CSMD1: variants seen among roughly 807,000 people sequenced by gnomAD.
CSMD1 encodes CUB and Sushi multiple domains 1, also known as CUB and sushi domain-containing protein 1.
In CSMD1, 213 loss-of-function variants were observed where a neutral mutation model predicts 417.5. That is an observed-to-expected ratio of 0.51 (90% CI 0.46 to 0.57). CSMD1 has a LOEUF of 0.57. Ranked by LOEUF, CSMD1 falls within the 20% of genes least tolerant of loss-of-function variation. The probability of loss-of-function intolerance (pLI) is 0.00; values close to 1 mark genes in which losing one functional copy is unlikely to be tolerated. For synonymous variants in CSMD1, 2,862 were observed against 1,736.8 expected, an observed-to-expected ratio of 1.65 and a Z score of -16.11; for missense variants, 6,923 against 4,529.7, an observed-to-expected ratio of 1.53 and a Z score of -15.17.
chr8:3,932,293 G>C (rs1049443554), intron 5 of CSMD1, among the ~76,000 whole-genome samples: 2 of 150,604 alleles, frequency 1.3e-5, no homozygotes, highest in Non-Finnish European at 3.0e-5. Flanking sequence ...AAGAAGTTTT[G>C]TTGCTCAGTT....
chr8:3,010,518 G>C (rs773098028), intron 52 of CSMD1, among the ~76,000 whole-genome samples: 11 of 152,080 alleles, frequency 7.2e-5, no homozygotes, highest in Non-Finnish European at 1.5e-4. Flanking sequence ...TTTCAGGCAA[G>C]TCCGACTTCC....
chr8:4,681,674 C>G (rs573592433), intron 1 of CSMD1, among the ~76,000 whole-genome samples: 44 of 152,214 alleles, frequency 2.9e-4, no homozygotes, highest in East Asian at 1.5e-3. Flanking sequence ...ATACATCCCC[C>G]CTTTTCCTCA....
At chr8:3,425,715 C>T (rs550269436) in intron 12 of CSMD1, among the ~76,000 whole-genome samples, 94 of 152,056 alleles carry the variant, frequency 6.2e-4, no homozygotes, top group African/African-American at 2.1e-3. Flanking sequence ...TGAAGAAAAA[C>T]ATCAAAGAAA....
At chr8:4,736,034 A>G (rs1310113954) in intron 1 of CSMD1, among the ~76,000 whole-genome samples, 1 of 152,196 alleles carries the variant, frequency 6.6e-6, no homozygotes, top group African/African-American at 2.4e-5. Flanking sequence ...CACTCAGGCT[A>G]TTATGGACAT....
At position 3,607,527 on chromosome 8, in the gene CSMD1, T is replaced by C. The variant is rs188515631; in HGVS notation, c.1097+9183A>G. Among the ~76,000 whole-genome samples, 329 of 152,296 alleles carry C rather than the reference T, an allele frequency of 2.2e-3. 2 individuals carry two copies. Among genetic ancestry groups the C allele is most frequent in the African/African-American group, 7.7e-3 (318 of 41,556 alleles). On this transcript the variant is annotated intron_variant, in intron 8 of 69. Transcript: ENST00000635120. ...GGCAGCACAGTACATCTGTCTTACA[T>C]CAAGACTGCCGCAAACATGTGAGGA... is the stretch of plus-strand genomic sequence containing the variant.
rs755184207 is a variant in CSMD1 at position 3,412,079 on chromosome 8, CAT to C, written c.1562-2476_1562-2475del. ...ATACACACGTATATATACATATATA[CAT>C]ATATATACACACGTATATATACATA... is the stretch of plus-strand genomic sequence containing the variant. On this transcript the variant is annotated intron_variant, in intron 12 of 69. Transcript: ENST00000635120. Among the ~76,000 whole-genome samples the C allele has an allele frequency of 9.1e-3, 427 of 46,806 alleles. 84 individuals carry two copies. Among genetic ancestry groups the C allele is most frequent in the Non-Finnish European group, 0.012 (308 of 26,184 alleles). The allele number at this position is 46,806 out of a possible 152,430, so 30.7% of individuals were successfully genotyped here.
intron 3 of CSMD1, among the ~76,000 whole-genome samples, chr8:4,257,131 C>T (rs1228560147): frequency 6.6e-6 from 1 of 152,152 alleles, no homozygotes; most frequent in African/African-American, 2.4e-5. Flanking sequence ...ATACTCACCA[C>T]ATTTGTTACC....
At chr8:3,675,121 C>T (rs1024884573) in intron 7 of CSMD1, among the ~76,000 whole-genome samples, 82 of 152,314 alleles carry the variant, frequency 5.4e-4, no homozygotes, top group African/African-American at 1.8e-3. Flanking sequence ...GGCCTCCCCT[C>T]ACCACTTTCC....
chr8:3,282,316 G>A (rs368253169), intron 26 of CSMD1, among the ~76,000 whole-genome samples: 1 of 152,064 alleles, frequency 6.6e-6, no homozygotes, highest in African/African-American at 2.4e-5. Flanking sequence ...CAGAGAGCAC[G>A]TGGGAACTCT....
chr8:4,180,018 G>A (rs1465045456), intron 3 of CSMD1, among the ~76,000 whole-genome samples: 2 of 152,058 alleles, frequency 1.3e-5, no homozygotes, highest in African/African-American at 2.4e-5. Context: ...AAGTCAGTGT[G>A]GCGATTCCTC....
chr8:4,871,813 A>G (rs569857412), intron 1 of CSMD1, among the ~76,000 whole-genome samples: 1 of 152,108 alleles, frequency 6.6e-6, no homozygotes, highest in Non-Finnish European at 1.5e-5. Flanking sequence ...AAACCTTTCC[A>G]GTAACATCAG....
At chr8:3,616,663 T>C (rs773500059) in intron 8 of CSMD1, 47 bp downstream of exon 8, 3 of 1,205,994 alleles carry the variant, frequency 2.5e-6, no homozygotes, top group Non-Finnish European at 2.4e-6. Context: ...AAATAATATA[T>C]GTCTTAAAAA....
chr8:4,937,009 G>A (rs1185151567), intron 1 of CSMD1, among the ~76,000 whole-genome samples: 2 of 152,078 alleles, frequency 1.3e-5, no homozygotes, highest in Non-Finnish European at 2.9e-5. Context: ...TCAGGAATTG[G>A]AGACCAGCCT....
intron 3 of CSMD1, among the ~76,000 whole-genome samples, chr8:4,264,071 T>C (rs1309250868): frequency 6.6e-6 from 1 of 152,146 alleles, no homozygotes; most frequent in African/African-American, 2.4e-5. Flanking sequence ...GCCTCATCTA[T>C]AAAATGAGGA....
At chr8:3,612,592 A>G (rs1014590035) in intron 8 of CSMD1, among the ~76,000 whole-genome samples, 3 of 152,158 alleles carry the variant, frequency 2.0e-5, no homozygotes, top group African/African-American at 7.2e-5. Flanking sequence ...TAAAGTTCAG[A>G]TCCTTTAAAG....
At chr8:3,260,574 C>G (rs917181860) in intron 26 of CSMD1, among the ~76,000 whole-genome samples, 1 of 151,836 alleles carries the variant, frequency 6.6e-6, no homozygotes, top group African/African-American at 2.4e-5. Flanking sequence ...GAGGGTCCAC[C>G]GAGAACAAAC....
In CSMD1 at chr8:4,894,635, C is replaced by A. The variant is rs528979033; in HGVS notation, c.85+99697G>T. On this transcript the variant is annotated intron_variant, in intron 1 of 69. Transcript: ENST00000635120. ...CTATCCACCCATTATCATTTATCTG[C>A]AAATATCTGCAAAGGGATTTTAATG... is the stretch of plus-strand genomic sequence containing the variant. Among the ~76,000 whole-genome samples the A allele has an allele frequency of 2.4e-4, 36 of 151,582 alleles. 1 individual carries two copies. The South Asian group carries it at 5.2e-3, about 22-fold the overall frequency.
At chr8:3,666,566 C>T (rs1193711496) in intron 7 of CSMD1, among the ~76,000 whole-genome samples, 1 of 152,234 alleles carries the variant, frequency 6.6e-6, no homozygotes, top group South Asian at 2.1e-4. Context: ...TGTGTCCCCA[C>T]CCAAATCTCA....
chr8:4,343,007 C>T (rs147739005), intron 3 of CSMD1, among the ~76,000 whole-genome samples: 278 of 152,232 alleles, frequency 1.8e-3, no homozygotes, highest in African/African-American at 6.3e-3. Flanking sequence ...GATTGCAGTG[C>T]ACCTGACTTG....
Sources: gnomAD v4.1 joint callset for allele counts (sites outside exome capture counted in the v4.1 genomes callset) on GRCh38, gnomAD v4.1.1 for gene constraint, MANE v1.5 for transcripts, NCBI Gene and HGNC (gene_info 2026-07-23, HGNC 2026-07-21) for gene names.